Variants in CCN3 observed in about 807,000 individuals in gnomAD.
CCN3 encodes the protein CCN family member 3.
A neutral mutation model predicts 33.4 loss-of-function variants in CCN3; 20 were observed. The observed-to-expected ratio is 0.60, with a 90% CI of 0.42 to 0.87. The LOEUF is 0.87. Ranked by LOEUF, CCN3 falls within the 40% of genes least tolerant of loss-of-function variation. The pLI, the probability that CCN3 is intolerant of heterozygous loss-of-function variation, is 0.00. For missense variants in CCN3, 465 were observed against 455.3 expected (o/e 1.02, Z -0.19); for synonymous variants, 205 against 170.4 (o/e 1.20, Z -1.58).
Position 119,416,855 on chromosome 8 carries a change from G to C in CCN3, c.196G>C (p.Val66Leu). Residue 66 changes from valine (V) to leucine (L), a missense_variant, in exon 2 of 5, where the codon GTG (valine) becomes CTG (leucine). Val to Leu is a conservative substitution (Grantham distance 32). Coordinates refer to ENST00000259526, the MANE Select transcript of CCN3 (RefSeq NM_002514.4). Reference sequence around the variant, plus strand: ...GCTGGACGGCTGCTCATGCTGTCTGGTGTGTGCCCGCCAGCGTGGCGAGAG... The same window carrying C: ...GCTGGACGGCTGCTCATGCTGTCTGCTGTGTGCCCGCCAGCGTGGCGAGAG... ...AVLDGCSCCLVCARQRGESCS... is the reference protein window; with the variant it reads ...AVLDGCSCCLLCARQRGESCS... 3 of 1,613,272 alleles carry C rather than the reference G, an allele frequency of 1.9e-6. No individual in the cohort carries two copies. Among genetic ancestry groups the C allele is most frequent in the Non-Finnish European group, 2.5e-6 (3 of 1,179,872 alleles).
intron 4 of CCN3, 72 bp downstream of exon 4, chr8:119,419,417 G>A: frequency 3.5e-6 from 5 of 1,432,220 alleles, no homozygotes; most frequent in Non-Finnish European, 4.9e-6. Context: ...GCTTCAGAAA[G>A]TCACTGTGTC....
intron 4 of CCN3, 21 bp from the exon 5 acceptor site, chr8:119,422,806 TCAATACATC>T: frequency 6.4e-7 from 1 of 1,561,074 alleles, no homozygotes; most frequent in Non-Finnish European, 8.7e-7. Flanking sequence ...TGGTAGCCAT[TCAATACATC>T]ACTTCTTTTT....
In CCN3 at chr8:119,419,329, A is replaced by G. The variant is rs1382725982; in HGVS notation, c.761A>G (p.Glu254Gly). 1 of 1,613,720 alleles carries G rather than the reference A, an allele frequency of 6.2e-7. No individual in the cohort carries two copies. The highest frequency in any genetic ancestry group is 8.5e-7 in the Non-Finnish European group (1 of 1,180,020). Residue 254 changes from glutamate (E) to glycine (G), a missense_variant, in exon 4 of 5, where the codon GAG becomes GGG. Physicochemically the swap from Glu to Gly is moderately conservative, Grantham distance 98. Transcript: ENST00000259526. ...GTGCGGCCCTGTGAACAAGAGCCAGAGCAGCCAACAGATAAGGTAGGAGCC... is the reference window on the plus strand; with the variant it reads ...GTGCGGCCCTGTGAACAAGAGCCAGGGCAGCCAACAGATAAGGTAGGAGCC... ...CMVRPCEQEP[E>G]QPTDKKGKKC...
In CCN3 at chr8:119,416,473, A is replaced by T; in HGVS notation, c.-60A>T. On this transcript the variant is annotated 5_prime_UTR_variant, in exon 1 of 5. Coordinates refer to ENST00000259526, the MANE Select transcript of CCN3 (RefSeq NM_002514.4). Reference sequence around the variant, plus strand: ...GCACCGGACCAGGGGGAAGGCGAGCAGTGCCAATCTACAGCGAAGAAAGTC... The same window carrying T: ...GCACCGGACCAGGGGGAAGGCGAGCTGTGCCAATCTACAGCGAAGAAAGTC... 6.7e-7 allele frequency: 1 copy of T among 1,503,410 alleles called. No homozygotes were observed. The highest frequency in any genetic ancestry group is 9.2e-7 in the Non-Finnish European group (1 of 1,086,010). The allele number at this position is 1,503,410 out of a possible 1,614,324, so 93.1% of individuals were successfully genotyped here.
At chr8:119,422,765 T>G in intron 4 of CCN3, 71 bp from the exon 5 acceptor site, 1 of 1,276,682 alleles carries the variant, frequency 7.8e-7, no homozygotes, top group African/African-American at 1.5e-5. Context: ...TAGCAGGTAA[T>G]TCCATACTCT....
intron 4 of CCN3, among the ~76,000 whole-genome samples, chr8:119,421,862 G>A (rs1820127275): frequency 6.6e-6 from 1 of 152,170 alleles, no homozygotes; most frequent in Non-Finnish European, 1.5e-5. Context: ...TTCTTTCTAT[G>A]AATGATTATT....
At position 119,416,606 on chromosome 8, in the gene CCN3, T is replaced by C. The variant is rs1440369866; in HGVS notation, c.74T>C (p.Leu25Pro). The part of the protein sequence containing the change: ...CLCLTFLLLH[L>P]LGQVAATQRC... The stretch of plus-strand genomic sequence containing the variant: ...TGCCTGACCTTCCTGCTTCTCCATC[T>C]CCTGGGACAGGTAAGTGGCACACCC... The change falls in exon 1 of 5, where the codon CTC (leucine) becomes CCC (proline). Residue 25 changes from leucine (L) to proline (P), a missense_variant. Coordinates refer to ENST00000259526, the MANE Select transcript of CCN3 (RefSeq NM_002514.4). The C allele has an allele frequency of 1.2e-6, 2 of 1,613,598 alleles. No homozygotes were observed. The highest frequency in any genetic ancestry group is 1.7e-6 in the Non-Finnish European group (2 of 1,179,862).
rs1445491057 is a variant in CCN3, at chr8:119,424,282, T to G, written c.*1150T>G. ...TTTAAAGTATTTATAAAAATATAAA[T>G]TGTACATTTTGTAAAATATTATGTT... On this transcript the variant is annotated 3_prime_UTR_variant, in exon 5 of 5. Coordinates refer to ENST00000259526, the MANE Select transcript of CCN3 (RefSeq NM_002514.4). 1 of 152,172 alleles carries G rather than the reference T, an allele frequency of 6.6e-6. No individual in the cohort carries two copies. The highest frequency in any genetic ancestry group is 1.5e-5 in the Non-Finnish European group (1 of 68,038). 9.4% of individuals were successfully genotyped at this position (152,172 alleles called of 1,614,324 possible). A position where few individuals can be genotyped will look rare whatever the true frequency, so the allele number is the denominator to read the frequency against.
chr8:119,417,245 C>T (rs1209861265), intron 2 of CCN3: 3 of 421,020 alleles, frequency 7.1e-6, no homozygotes, highest in East Asian at 8.6e-5. Context: ...GGGGGAGCCA[C>T]GCAGAGTTAA....
chr8:119,421,101 C>A (rs1310493950), intron 4 of CCN3, among the ~76,000 whole-genome samples: 11 of 145,044 alleles, frequency 7.6e-5, no homozygotes, highest in Middle Eastern at 3.4e-3. Flanking sequence ...TCACCGCAAG[C>A]TCCGCCTCCC....
At chr8:119,418,002 T>G (rs1820075812) in intron 2 of CCN3, 56 bp from the exon 3 acceptor site, 1 of 1,538,880 alleles carries the variant, frequency 6.5e-7, no homozygotes, top group Admixed American at 1.7e-5. Context: ...CACTGTATTG[T>G]GTTCTTGTTT....
intron 4 of CCN3, among the ~76,000 whole-genome samples, chr8:119,419,747 T>C (rs897201640): frequency 5.9e-5 from 9 of 152,220 alleles, no homozygotes; most frequent in African/African-American, 2.2e-4. Flanking sequence ...AGAGGCCATG[T>C]GGGTCTTACC....
intron 3 of CCN3, 152 bp from the exon 4 acceptor site, chr8:119,418,979 G>A: frequency 1.7e-6 from 1 of 593,378 alleles, no homozygotes; most frequent in South Asian, 2.2e-5. Context: ...TAAATAAATA[G>A]ATAAATAAAT....
chr8:119,417,722 G>A (rs1045179784), intron 2 of CCN3, among the ~76,000 whole-genome samples: 4 of 152,184 alleles, frequency 2.6e-5, no homozygotes, highest in Admixed American at 2.6e-4. Context: ...TAAGCTGCTG[G>A]AGTAGGAAAC....
intron 4 of CCN3, 78 bp downstream of exon 4, chr8:119,419,423 G>C: frequency 7.1e-7 from 1 of 1,413,662 alleles, no homozygotes; most frequent in South Asian, 1.2e-5. Context: ...GAAAGTCACT[G>C]TGTCACTCTG....
At position 119,419,318 on chromosome 8, in the gene CCN3, A is replaced by G; in HGVS notation, c.750A>G (p.Glu250=). ...QTRLCMVRPC[E]QEPEQPTDKK... ...GGCTCTGCATGGTGCGGCCCTGTGA[A>G]CAAGAGCCAGAGCAGCCAACAGATA... The change falls in exon 4 of 5, where the codon GAA becomes GAG. Residue 250 remains glutamate, a synonymous_variant. Transcript: ENST00000259526. The G allele has an allele frequency of 6.2e-7, 1 of 1,613,984 alleles. No homozygotes were observed. The highest frequency in any genetic ancestry group is 1.7e-4 in the Middle Eastern group (1 of 5,882).
intron 4 of CCN3, 35 bp from the exon 5 acceptor site, chr8:119,422,801 G>A (rs1036914156): frequency 6.5e-7 from 1 of 1,528,208 alleles, no homozygotes; most frequent in Non-Finnish European, 8.9e-7. Context: ...GGGAATGGTA[G>A]CCATTCAATA....
At chr8:119,421,851 GTTCT>G (rs1820127183) in intron 4 of CCN3, among the ~76,000 whole-genome samples, 2 of 152,220 alleles carry the variant, frequency 1.3e-5, no homozygotes, top group Admixed American at 6.5e-5. Flanking sequence ...TTGGGCAATT[GTTCT>G]TTCTATGAAT....
Position 119,424,216 on chromosome 8 carries a change from G to A in CCN3, c.*1084G>A, listed in dbSNP as rs1039846641. On this transcript the variant is annotated 3_prime_UTR_variant, in exon 5 of 5. Coordinates refer to ENST00000259526, the MANE Select transcript of CCN3 (RefSeq NM_002514.4). Reference sequence around the variant, plus strand: ...AAGGTAGGCTGCAAAATTAAATCTAGACATTCTTTTAATGCCACCACACGT... The same window carrying A: ...AAGGTAGGCTGCAAAATTAAATCTAAACATTCTTTTAATGCCACCACACGT... 8 of 152,076 alleles carry A rather than the reference G, an allele frequency of 5.3e-5. No individual in the cohort carries two copies. The highest frequency in any genetic ancestry group is 1.4e-4 in the African/African-American group (6 of 41,408). The allele number at this position is 152,076 out of a possible 1,614,324, so 9.4% of individuals were successfully genotyped here. A position where few individuals can be genotyped will look rare whatever the true frequency, so the allele number is the denominator to read the frequency against.
Sources: gnomAD v4.1 joint callset for allele counts (sites outside exome capture counted in the v4.1 genomes callset) on GRCh38, gnomAD v4.1.1 for gene constraint, MANE v1.5 for transcripts, NCBI Gene and HGNC (gene_info 2026-07-23, HGNC 2026-07-21) for gene names.